RNF123: variants seen among roughly 807,000 people sequenced by gnomAD.
RNF123 encodes E3 ubiquitin-protein ligase RNF123.
RNF123 carries 86 observed loss-of-function variants against 168.5 expected under a neutral mutation model. That is an observed-to-expected ratio of 0.51 (90% CI 0.43 to 0.61). The LOEUF (loss-of-function observed/expected upper bound fraction) is 0.61. Ranked by LOEUF, RNF123 falls within the 20% of genes least tolerant of loss-of-function variation. The probability of loss-of-function intolerance (pLI) is 0.00; values close to 1 mark genes in which losing one functional copy is unlikely to be tolerated. For synonymous variants in RNF123, 666 were observed against 689.1 expected, an observed-to-expected ratio of 0.97 and a Z score of 0.52; for missense variants, 1,419 against 1,729.7, an observed-to-expected ratio of 0.82 and a Z score of 3.19.
At chr3:49,720,933 A>C (rs992431051) in intron 37 of RNF123, 39 bp downstream of exon 37, 1 of 1,611,492 alleles carries the variant, frequency 6.2e-7, no homozygotes, top group Non-Finnish European at 8.5e-7. Flanking sequence ...TGCCACTTGA[A>C]TATGTGTGCA....
rs547162211 is a variant in RNF123, at chr3:49,702,327, C to A, written c.1558-7C>A. The stretch of plus-strand genomic sequence containing the variant: ...TCAGCACAGCCTCACTTTTCCCTCT[C>A]TCAAAGGGTGAAGCTTCTAGGTATA... On this transcript the variant is annotated splice_region_variant and splice_polypyrimidine_tract_variant and intron_variant, in intron 18 of 38. Transcript: ENST00000327697. 1 of 1,614,140 alleles carries A rather than the reference C, an allele frequency of 6.2e-7. No homozygotes were observed. The highest frequency in any genetic ancestry group is 1.1e-5 in the South Asian group (1 of 91,086).
chr3:49,689,900 A>G (rs1262042984), intron 1 of RNF123: 2 of 152,240 alleles, frequency 1.3e-5, no homozygotes, highest in Non-Finnish European at 2.9e-5. Context: ...GGGCGGGGAC[A>G]AGGTCCGCCT....
In RNF123 at chr3:49,690,021, G is replaced by A. The variant is rs371594000; in HGVS notation, c.-37+415G>A. Among the ~76,000 whole-genome samples, 16 of 152,350 alleles carry A rather than the reference G, an allele frequency of 1.1e-4. No homozygotes were observed. The East Asian group carries it at 2.1e-3, about 20-fold the overall frequency. ...TCAGATCTTCAACTACTCTGGTAGT[G>A]AAGGGGCACCGATCATGGACGCCCA... On this transcript the variant is annotated intron_variant, in intron 1 of 38. Transcript: ENST00000327697.
intron 8 of RNF123, 95 bp downstream of exon 8, chr3:49,698,621 G>C (rs1387598246): frequency 6.5e-7 from 1 of 1,548,356 alleles, no homozygotes; most frequent in Non-Finnish European, 8.9e-7. Flanking sequence ...CAGGGCACCA[G>C]GGAAGGGTCA....
intron 3 of RNF123, among the ~76,000 whole-genome samples, chr3:49,692,457 C>A (rs375914612): frequency 1.3e-5 from 2 of 152,108 alleles, no homozygotes; most frequent in Admixed American, 6.5e-5. Context: ...GGTATCCATC[C>A]CCTCAAGCAT....
Position 49,712,497 on chromosome 3 carries a change from T to C in RNF123, c.2515T>C (p.Tyr839His). The C allele has an allele frequency of 6.2e-7, 1 of 1,614,040 alleles. No homozygotes were observed. Among genetic ancestry groups the C allele is most frequent in the South Asian group, 1.1e-5 (1 of 91,092 alleles). Residue 839 changes from tyrosine (Y) to histidine (H), a missense_variant, in exon 27 of 39, where the codon TAC becomes CAC. Physicochemically the swap from Tyr to His is moderately conservative, Grantham distance 83. Coordinates refer to ENST00000327697, the MANE Select transcript of RNF123 (RefSeq NM_022064.5). Reference sequence around the variant, plus strand: ...CCTGCAGGAGAAGATGCTGGACATCTACTGGCTGCTGCGCGTCTGCCTGCG... The same window carrying C: ...CCTGCAGGAGAAGATGCTGGACATCCACTGGCTGCTGCGCGTCTGCCTGCG... Reference protein sequence around the residue: ...VYSQEKMLDIYWLLRVCLRTI... With the variant: ...VYSQEKMLDIHWLLRVCLRTI...
chr3:49,700,234 T>C lies in RNF123; in HGVS notation c.992T>C (p.Val331Ala). 1 of 1,614,000 alleles carries C rather than the reference T, an allele frequency of 6.2e-7. No homozygotes were observed. The highest frequency in any genetic ancestry group is 1.1e-5 in the South Asian group (1 of 91,074). ...TGCCTGGCCTTGGTGCAGCGCAAGGTGTATCTGGTGGAGGCTGTGCTCATG... is the reference window on the plus strand; with the variant it reads ...TGCCTGGCCTTGGTGCAGCGCAAGGCGTATCTGGTGGAGGCTGTGCTCATG... ...FHHFAPLLRK[V>A]YLVEAVLMSF... The change falls in exon 13 of 39, where the codon GTG (valine) becomes GCG (alanine). Residue 331 changes from valine (V) to alanine (A), a missense_variant. Val to Ala is a moderately conservative substitution (Grantham distance 64). Around this residue, in one of 5 missense-constraint regions of RNF123, gnomAD observed 318 missense variants for 446.6 expected, o/e 0.71. Coordinates refer to ENST00000327697, the MANE Select transcript of RNF123 (RefSeq NM_022064.5).
intron 27 of RNF123, chr3:49,712,895 G>A (rs1161585424): frequency 1.4e-6 from 1 of 704,378 alleles, no homozygotes; most frequent in Admixed American, 2.0e-5. Context: ...GGAACACGGT[G>A]GGTGTAGACC....
At position 49,701,913 on chromosome 3, in the gene RNF123, C is replaced by A; in HGVS notation, c.1495+3C>A. 1 of 1,559,702 alleles carries A rather than the reference C, an allele frequency of 6.4e-7. No homozygotes were observed. The highest frequency in any genetic ancestry group is 1.2e-5 in the South Asian group (1 of 84,714). ...GCGGCTCAGGAAGCGCATCGAAGGT[C>A]AGCCCGCCTTGGGCACGGGGTAGGG... On this transcript the variant is annotated splice_donor_region_variant and intron_variant, in intron 17 of 38. Transcript: ENST00000327697.
chr3:49,717,488 A>C, intron 35 of RNF123: 2 of 176,276 alleles, frequency 1.1e-5, no homozygotes, highest in Non-Finnish European at 1.2e-5. Flanking sequence ...CCCCTTGGGA[A>C]GGGGAGGTGG....
chr3:49,702,120 G>A lies in RNF123; in HGVS notation c.1533G>A (p.Leu511=), dbSNP rs755004124. ...TACAGGTCCAGATCCTGAAGCTGCT[G>A]CTGGACAATAAAGATGACAATGGGG... The part of the protein sequence containing the change: ...EELQVQILKL[L]LDNKDDNGGE... The change falls in exon 18 of 39, where the codon CTG becomes CTA. Residue 511 remains leucine, a synonymous_variant. Transcript: ENST00000327697. 6.2e-7 allele frequency: 1 copy of A among 1,614,184 alleles called. No homozygotes were observed. Among genetic ancestry groups the A allele is most frequent in the East Asian group, 2.2e-5 (1 of 44,876 alleles).
rs757952556 is a variant in RNF123, at chr3:49,713,954, G to A, written c.2882G>A (p.Arg961Gln). 5 of 1,614,014 alleles carry A rather than the reference G, an allele frequency of 3.1e-6. No homozygotes were observed. Among genetic ancestry groups the A allele is most frequent in the East Asian group, 2.2e-5 (1 of 44,888 alleles). Reference protein sequence around the residue: ...VRNLLAPYEQRPWAQTNWILV... With the variant: ...VRNLLAPYEQQPWAQTNWILV... ...AACCTCCTGGCGCCCTATGAGCAGC[G>A]GCCCTGGGCCCAGACCAACTGGATC... is the stretch of plus-strand genomic sequence containing the variant. The change falls in exon 30 of 39, where the codon CGG becomes CAG. Residue 961 changes from arginine (R) to glutamine (Q), a missense_variant. By Grantham distance (43) the Arg-to-Gln change is conservative. Around this residue, in one of 5 missense-constraint regions of RNF123, gnomAD observed 538 missense variants for 708.8 expected, o/e 0.76. Transcript: ENST00000327697.
intron 35 of RNF123, chr3:49,719,586 C>A: frequency 1.2e-6 from 1 of 868,604 alleles, no homozygotes; most frequent in South Asian, 1.7e-5. Context: ...GGAGGCACGG[C>A]GGGTTCTTGC....
chr3:49,702,661 A>G lies in RNF123; in HGVS notation c.1658A>G (p.Tyr553Cys). ...GNMPMLCPPEYMVCFLHRLIS... is the reference protein window; with the variant it reads ...GNMPMLCPPECMVCFLHRLIS... ...ATGCCCATGCTCTGCCCCCCTGAGT[A>G]CATGGTCTGCTTCTTACACCGGCTG... The change falls in exon 20 of 39, where the codon TAC becomes TGC. Residue 553 changes from tyrosine to cysteine, a missense_variant. Physicochemically the swap from Tyr to Cys is radical, Grantham distance 194 (BLOSUM62 -2). Transcript: ENST00000327697. 1.2e-6 allele frequency: 2 copies of G among 1,614,224 alleles called. No homozygotes were observed. The highest frequency in any genetic ancestry group is 8.5e-7 in the Non-Finnish European group (1 of 1,180,018).
At chr3:49,707,576 G>A (rs563249598) in intron 26 of RNF123, among the ~76,000 whole-genome samples, 1 of 152,232 alleles carries the variant, frequency 6.6e-6, no homozygotes, top group African/African-American at 2.4e-5. Context: ...TCCCTAACCA[G>A]TGAGTGCCCT....
In RNF123 at chr3:49,709,013, G is replaced by A. The variant is rs187714448; in HGVS notation, c.2496+2115G>A. On this transcript the variant is annotated intron_variant, in intron 26 of 38. Transcript: ENST00000327697. The stretch of plus-strand genomic sequence containing the variant: ...GATGGAGTCTCACTCTGTCACCCAG[G>A]CTGGAGTGCAATGGTGCGATCTCGG... Among the ~76,000 whole-genome samples the A allele has an allele frequency of 1.2e-3, 185 of 152,196 alleles. 1 individual carries two copies. Among genetic ancestry groups the A allele is most frequent in the Admixed American group, 1.8e-3 (28 of 15,298 alleles).
At chr3:49,696,599 A>C (rs1277050604) in intron 3 of RNF123, among the ~76,000 whole-genome samples, 3 of 149,550 alleles carry the variant, frequency 2.0e-5, no homozygotes, top group African/African-American at 7.4e-5. Flanking sequence ...AGCCTCCCAA[A>C]GTGCTGGGAT....
At chr3:49,704,124 T>C (rs2054465007) in intron 21 of RNF123, among the ~76,000 whole-genome samples, 2 of 152,046 alleles carry the variant, frequency 1.3e-5, no homozygotes, top group South Asian at 4.2e-4. Flanking sequence ...AGAAATTCTG[T>C]TTGGACACAG....
intron 35 of RNF123, chr3:49,719,481 G>A (rs771953607): frequency 1.2e-6 from 2 of 1,600,428 alleles, no homozygotes; most frequent in South Asian, 1.1e-5. Context: ...CGACCACCAG[G>A]GACAGTACAG....
Sources: gnomAD v4.1 joint callset for allele counts (sites outside exome capture counted in the v4.1 genomes callset) on GRCh38, gnomAD v4.1.1 for gene constraint, gnomAD v4.1.1 regional missense constraint, MANE v1.5 for transcripts, NCBI Gene and HGNC (gene_info 2026-07-23, HGNC 2026-07-21) for gene names.